Variants in NHS observed in about 807,000 individuals in gnomAD.
NHS encodes the protein NHS actin remodeling regulator.
NHS carries 5 observed loss-of-function variants against 72.5 expected under a neutral mutation model. The observed-to-expected ratio is 0.07, with a 90% CI of 0.04 to 0.14. The LOEUF (loss-of-function observed/expected upper bound fraction) is 0.14, where lower values mean the gene tolerates loss of function less well. NHS is among the 10% of genes least tolerant of loss of function. The pLI is 1.00. For synonymous variants in NHS, 464 were observed against 547.7 expected (o/e 0.85, Z 2.13); for missense variants, 1,072 against 1,355.7 (o/e 0.79, Z 3.29).
chrX:17,378,754 AATG>A (rs1442573515), intron 1 of NHS, among the ~76,000 whole-genome samples: 2 of 111,999 alleles, frequency 1.8e-5, no homozygotes, highest in African/African-American at 6.5e-5. Context: ...GTGTTCCACT[AATG>A]ATTAAAGAAG....
At chrX:17,574,126 C>G (rs1427396375) in intron 1 of NHS, among the ~76,000 whole-genome samples, 1 of 111,822 alleles carries the variant, frequency 8.9e-6, no homozygotes, top group Non-Finnish European at 1.9e-5. Context: ...CCCAGTCATG[C>G]TACACAGGGG....
chrX:17,607,245 G>A lies in NHS; in HGVS notation c.566-80497G>A, dbSNP rs1049710833. ...AAGCAAGGAAGTGGAGGATGTTTTTGTTCCCTGCCTTGTAGAAGAAAGCAG... is the reference window on the plus strand; with the variant it reads ...AAGCAAGGAAGTGGAGGATGTTTTTATTCCCTGCCTTGTAGAAGAAAGCAG... On this transcript the variant is annotated intron_variant, in intron 1 of 8. Coordinates refer to ENST00000676302, the MANE Select transcript of NHS (RefSeq NM_001291867.2). Among the ~76,000 whole-genome samples, 4 of 111,800 alleles carry A rather than the reference G, an allele frequency of 3.6e-5. No homozygotes were observed. The Admixed American group carries it at 3.8e-4, about 11-fold the overall frequency.
chrX:17,401,941 A>G (rs2146852733), intron 1 of NHS, among the ~76,000 whole-genome samples: 1 of 112,288 alleles, frequency 8.9e-6, no homozygotes, highest in Admixed American at 9.5e-5. Context: ...AATTCAACCC[A>G]TAACAGGCTT....
intron 1 of NHS, among the ~76,000 whole-genome samples, chrX:17,479,647 T>C (rs1207925661): frequency 1.8e-5 from 2 of 112,539 alleles, no homozygotes; most frequent in Admixed American, 9.4e-5. Context: ...TAATGACCAG[T>C]GATGATGAGC....
chrX:17,522,363 C>G (rs2065152249), intron 1 of NHS, among the ~76,000 whole-genome samples: 1 of 111,859 alleles, frequency 8.9e-6, no homozygotes, highest in Non-Finnish European at 1.9e-5. Flanking sequence ...TTGGCTTTTT[C>G]CAGATGGTTT....
intron 1 of NHS, among the ~76,000 whole-genome samples, chrX:17,676,524 T>G (rs2066082288): frequency 8.8e-6 from 1 of 113,000 alleles, no homozygotes; most frequent in Admixed American, 9.3e-5. Flanking sequence ...AGTTTTATTT[T>G]TAACCCTTGT....
rs183334440 is a variant in NHS at position 17,559,049 on chromosome X, T to C, written c.566-128693T>C. Among the ~76,000 whole-genome samples the C allele has an allele frequency of 2.8e-3, 313 of 112,367 alleles. 2 individuals carry two copies. The highest frequency in any genetic ancestry group is 9.6e-3 in the African/African-American group (297 of 30,949). On this transcript the variant is annotated intron_variant, in intron 1 of 8. Transcript: ENST00000676302. The stretch of plus-strand genomic sequence containing the variant: ...GGGGTGGATAGGATAATCCAAGTTA[T>C]ATATAAGCAGTTTCTCATGTCCAGG...
chrX:17,574,644 C>T (rs1486037703), intron 1 of NHS, among the ~76,000 whole-genome samples: 1 of 112,261 alleles, frequency 8.9e-6, no homozygotes, highest in Non-Finnish European at 1.9e-5. Flanking sequence ...CCCCCGACCC[C>T]TTGTGCTTCC....
At chrX:17,685,222 G>A (rs1265980513) in intron 1 of NHS, among the ~76,000 whole-genome samples, 1 of 112,251 alleles carries the variant, frequency 8.9e-6, no homozygotes, top group Non-Finnish European at 1.9e-5. Context: ...GTCACTGAGA[G>A]CAAAGGCATT....
intron 1 of NHS, among the ~76,000 whole-genome samples, chrX:17,483,928 A>G (rs578121988): frequency 9.0e-6 from 1 of 111,675 alleles, no homozygotes; most frequent in Middle Eastern, 4.6e-3. Flanking sequence ...TGTCCTGTGG[A>G]AGTATCAAGC....
chrX:17,425,538 A>G (rs1163940748), intron 1 of NHS, among the ~76,000 whole-genome samples: 1 of 37,931 alleles, frequency 2.6e-5, no homozygotes, highest in Non-Finnish European at 4.5e-5. Context: ...AAAAAAAAAA[A>G]AAAAAAAAAA....
intron 3 of NHS, among the ~76,000 whole-genome samples, chrX:17,695,617 T>TA: frequency 9.0e-6 from 1 of 111,547 alleles, no homozygotes; most frequent in Non-Finnish European, 1.9e-5. Context: ...AGTGAACTCC[T>TA]AAGGGTGCCG....
intron 1 of NHS, among the ~76,000 whole-genome samples, chrX:17,667,301 G>A (rs1274448562): frequency 8.9e-6 from 1 of 112,362 alleles, no homozygotes; most frequent in Non-Finnish European, 1.9e-5. Flanking sequence ...GCTCCAGCCA[G>A]AAGCACAAAT....
At chrX:17,504,765 A>G (rs2065049293) in intron 1 of NHS, among the ~76,000 whole-genome samples, 1 of 112,043 alleles carries the variant, frequency 8.9e-6, no homozygotes, top group Non-Finnish European at 1.9e-5. Context: ...TATTTTTACA[A>G]TGCCCACTTG....
At chrX:17,534,209 G>A (rs2065212561) in intron 1 of NHS, among the ~76,000 whole-genome samples, 2 of 112,002 alleles carry the variant, frequency 1.8e-5, no homozygotes, top group Admixed American at 9.4e-5. Flanking sequence ...TCTTTGGAAG[G>A]AATTCATAGG....
rs974538378 is a variant in NHS, at chrX:17,704,084, C to T, written c.852+11616C>T. Among the ~76,000 whole-genome samples the T allele has an allele frequency of 6.3e-5, 7 of 110,914 alleles. No individual in the cohort carries two copies. In the East Asian group the frequency reaches 2.0e-3, roughly 32 times the overall value. ...AGAGAGAATGACCTGGGCAAGCCACCTAGAACACTTGGTTGTACACCTCGT... is the reference window on the plus strand; with the variant it reads ...AGAGAGAATGACCTGGGCAAGCCACTTAGAACACTTGGTTGTACACCTCGT... On this transcript the variant is annotated intron_variant, in intron 3 of 8. Transcript: ENST00000676302.
At chrX:17,409,186 C>T (rs1310750168) in intron 1 of NHS, among the ~76,000 whole-genome samples, 3 of 112,264 alleles carry the variant, frequency 2.7e-5, no homozygotes, top group Non-Finnish European at 5.6e-5. Flanking sequence ...TTGTTGCCCA[C>T]TGTAACATCT....
intron 1 of NHS, among the ~76,000 whole-genome samples, chrX:17,657,788 C>T (rs2065964257): frequency 8.9e-6 from 1 of 112,909 alleles, no homozygotes; most frequent in Non-Finnish European, 1.9e-5. Flanking sequence ...ATGTATGGGG[C>T]TTCCTCCTTT....
intron 3 of NHS, among the ~76,000 whole-genome samples, chrX:17,707,684 C>A (rs1601846719): frequency 8.9e-6 from 1 of 111,770 alleles, no homozygotes; most frequent in East Asian, 2.8e-4. Flanking sequence ...AAGTAACTTA[C>A]AGAGGAGCTA....
Sources: allele counts gnomAD v4.1 joint callset (sites outside exome capture counted in the v4.1 genomes callset), GRCh38; gene constraint gnomAD v4.1.1; transcripts MANE v1.5; gene names NCBI Gene and HGNC (gene_info 2026-07-23, HGNC 2026-07-21).